The following CRTAC1 variants were observed in gnomAD, a reference collection of about 807,000 sequenced individuals.
The protein encoded by CRTAC1 is cartilage acidic protein 1.
A neutral mutation model predicts 67.8 loss-of-function variants in CRTAC1; 37 were observed. The observed-to-expected ratio is 0.55, with a 90% CI of 0.42 to 0.72. The LOEUF (loss-of-function observed/expected upper bound fraction) is 0.72, where lower values mean the gene tolerates loss of function less well. Among genes scored for constraint, CRTAC1 ranks in the 30% least tolerant of loss-of-function variants. CRTAC1 has a pLI of 0.00. For synonymous variants in CRTAC1, 348 were observed against 371.0 expected (o/e 0.94, Z 0.71); for missense variants, 780 against 931.6 (o/e 0.84, Z 2.12).
intron 11 of CRTAC1, among the ~76,000 whole-genome samples, chr10:97,890,984 A>G (rs1201328020): frequency 1.3e-5 from 2 of 152,044 alleles, no homozygotes; most frequent in East Asian, 3.9e-4. Context: ...CTTTTTTTGT[A>G]GCCCATTATA....
intron 2 of CRTAC1, among the ~76,000 whole-genome samples, chr10:97,986,366 C>A (rs993237692): frequency 1.4e-4 from 22 of 152,338 alleles, no homozygotes; most frequent in African/African-American, 4.8e-4. Flanking sequence ...ATCATCCAGC[C>A]TGGGGCCCAT....
intron 2 of CRTAC1, among the ~76,000 whole-genome samples, chr10:97,970,424 A>G (rs2051688950): frequency 1.3e-5 from 2 of 152,210 alleles, no homozygotes; most frequent in Admixed American, 1.3e-4. Flanking sequence ...CAGAGAAAGA[A>G]GCCAGACTGA....
chr10:98,001,211 T>C (rs957911918), intron 2 of CRTAC1, among the ~76,000 whole-genome samples: 14 of 152,186 alleles, frequency 9.2e-5, no homozygotes, highest in Non-Finnish European at 2.9e-5. Context: ...CATAGTAGGA[T>C]ATTACAAAGC....
intron 3 of CRTAC1, among the ~76,000 whole-genome samples, chr10:97,926,600 C>A (rs2050923330): frequency 6.6e-6 from 1 of 152,134 alleles, no homozygotes; most frequent in Admixed American, 6.5e-5. Context: ...GAGGCAGCAC[C>A]CAGTAATTAA....
intron 11 of CRTAC1, among the ~76,000 whole-genome samples, chr10:97,887,227 G>GTTTTTTTT (rs71007369): frequency 2.3e-5 from 3 of 127,960 alleles, no homozygotes; most frequent in African/African-American, 9.2e-5. Context: ...CGGCACTTAG[G>GTTTTTTTT]TTTTTTTTTT....
chr10:97,875,389 T>C (rs1332472389), intron 14 of CRTAC1, among the ~76,000 whole-genome samples: 5 of 152,242 alleles, frequency 3.3e-5, no homozygotes, highest in African/African-American at 1.2e-4. Context: ...TGCGTCTCAT[T>C]TTCCCTCTGG....
intron 2 of CRTAC1, among the ~76,000 whole-genome samples, chr10:97,973,176 G>GA (rs971260229): frequency 6.6e-5 from 10 of 151,030 alleles, no homozygotes; most frequent in African/African-American, 1.9e-4. Context: ...TTTAGAATCA[G>GA]AAAAAAAAAG....
chr10:97,946,684 G>A (rs150978245), intron 2 of CRTAC1, among the ~76,000 whole-genome samples: 1 of 152,286 alleles, frequency 6.6e-6, no homozygotes, highest in African/African-American at 2.4e-5. Context: ...ACTCATTTGG[G>A]TCTGCATATT....
At chr10:97,891,064 G>A (rs987048987) in intron 11 of CRTAC1, among the ~76,000 whole-genome samples, 1 of 152,116 alleles carries the variant, frequency 6.6e-6, no homozygotes, top group African/African-American at 2.4e-5. Flanking sequence ...CTACTGGAAC[G>A]TAGATGGCTT....
chr10:97,955,466 A>G (rs1024186855), intron 2 of CRTAC1, among the ~76,000 whole-genome samples: 8 of 152,240 alleles, frequency 5.3e-5, no homozygotes, highest in African/African-American at 1.9e-4. Context: ...GCCCAGGTTA[A>G]GAAGCCTTGT....
chr10:98,012,712 G>C (rs780098504), intron 1 of CRTAC1, among the ~76,000 whole-genome samples: 1 of 152,182 alleles, frequency 6.6e-6, no homozygotes, highest in African/African-American at 2.4e-5. Flanking sequence ...TGCCTTCAGA[G>C]CCAGACGTGA....
chr10:97,878,571 A>T (rs2050173090), intron 14 of CRTAC1: 6 of 1,280,778 alleles, frequency 4.7e-6, no homozygotes, highest in African/African-American at 1.5e-5. Flanking sequence ...ACAAGCCTTC[A>T]CTACTGAGGC....
At chr10:97,885,223 G>C (rs528585087) in intron 11 of CRTAC1, among the ~76,000 whole-genome samples, 4 of 152,134 alleles carry the variant, frequency 2.6e-5, no homozygotes, top group Non-Finnish European at 4.4e-5. Flanking sequence ...AAAAGAGCTG[G>C]GCATGGTGGC....
In CRTAC1 at chr10:97,975,019, G is replaced by A. The variant is rs1054386476; in HGVS notation, c.224+36119C>T. ...AGACCGGAGAACGTGGAGCCCGCGGGAGGAGGCCGGAGCGCGGGCAGGGAC... is the reference window on the plus strand; with the variant it reads ...AGACCGGAGAACGTGGAGCCCGCGGAAGGAGGCCGGAGCGCGGGCAGGGAC... On this transcript the variant is annotated intron_variant, in intron 2 of 14. Coordinates refer to ENST00000370597, the MANE Select transcript of CRTAC1 (RefSeq NM_018058.7). The surrounding 1 kb of genome is among the most constrained non-coding windows in gnomAD (Gnocchi z 4.8). Among the ~76,000 whole-genome samples the A allele has an allele frequency of 3.3e-5, 5 of 152,062 alleles. No homozygotes were observed. Among genetic ancestry groups the A allele is most frequent in the Non-Finnish European group, 5.9e-5 (4 of 67,990 alleles).
intron 2 of CRTAC1, among the ~76,000 whole-genome samples, chr10:97,955,761 G>C (rs1353382567): frequency 6.6e-6 from 1 of 152,180 alleles, no homozygotes. Flanking sequence ...CATATAGGAG[G>C]ACACTGTTAT....
rs540850459 is a variant in CRTAC1 at position 97,967,383 on chromosome 10, A to G, written c.225-31017T>C. ...ACCAGATGCTCCAGGCTCACTTTGT[A>G]TATTTCTTGTCCCATTCCTAGAATC... On this transcript the variant is annotated intron_variant, in intron 2 of 14. Transcript: ENST00000370597. 5.5e-4 allele frequency among the ~76,000 whole-genome samples: 84 copies of G among 152,236 alleles called. 1 individual carries two copies. The highest frequency in any genetic ancestry group is 2.0e-3 in the African/African-American group (83 of 41,536).
intron 2 of CRTAC1, among the ~76,000 whole-genome samples, chr10:97,990,709 C>G (rs1472407612): frequency 6.6e-6 from 1 of 152,220 alleles, no homozygotes; most frequent in South Asian, 2.1e-4. Context: ...TGCTCTCATT[C>G]ACCACTAACC....
At chr10:97,884,585 A>AC in intron 11 of CRTAC1, 1 of 475,830 alleles carries the variant, frequency 2.1e-6, no homozygotes. Context: ...GCTGTCCAGT[A>AC]CAGTAGCCAC....
intron 8 of CRTAC1, among the ~76,000 whole-genome samples, chr10:97,900,513 GC>G: frequency 2.1e-5 from 3 of 143,246 alleles, no homozygotes; most frequent in Middle Eastern, 3.8e-3. Context: ...GGAGCCCGTA[GC>G]CCCTTTTCCT....
Sources: gnomAD v4.1 joint callset for allele counts (sites outside exome capture counted in the v4.1 genomes callset) on GRCh38, gnomAD v4.1.1 for gene constraint, Gnocchi (gnomAD v3.1) non-coding constraint, MANE v1.5 for transcripts, NCBI Gene and HGNC (gene_info 2026-07-23, HGNC 2026-07-21) for gene names.